FHIT: variants seen among roughly 807,000 people sequenced by gnomAD.
FHIT encodes bis(5'-adenosyl)-triphosphatase.
A neutral mutation model predicts 17.9 loss-of-function variants in FHIT; 19 were observed. That is an observed-to-expected ratio of 1.06 (90% confidence interval 0.74 to 1.56). The LOEUF is 1.56. FHIT is among the 40% of genes most tolerant of loss of function. FHIT has a pLI of 0.00. For synonymous variants in FHIT, 81 were observed against 69.7 expected, an observed-to-expected ratio of 1.16 and a Z score of -0.81; for missense variants, 248 against 189.2, an observed-to-expected ratio of 1.31 and a Z score of -1.82.
At chr3:60,323,215 G>T (rs1019546841) in intron 5 of FHIT, among the ~76,000 whole-genome samples, 1 of 151,998 alleles carries the variant, frequency 6.6e-6, no homozygotes, top group African/African-American at 2.4e-5. Flanking sequence ...GGACACCACC[G>T]GGAATCACTG....
chr3:59,798,459 T>G (rs1438875911), intron 8 of FHIT, among the ~76,000 whole-genome samples: 1 of 152,190 alleles, frequency 6.6e-6, no homozygotes, highest in Non-Finnish European at 1.5e-5. Flanking sequence ...CAAGTCACTG[T>G]GTATGGCTGC....
intron 7 of FHIT, among the ~76,000 whole-genome samples, chr3:59,948,960 G>C (rs575214999): frequency 6.6e-6 from 1 of 152,214 alleles, no homozygotes; most frequent in South Asian, 2.1e-4. Context: ...GTGTGAAGCT[G>C]AGGTTTGGGG....
chr3:60,234,755 G>C (rs571652449), intron 5 of FHIT, among the ~76,000 whole-genome samples: 2 of 152,128 alleles, frequency 1.3e-5, no homozygotes, highest in Non-Finnish European at 2.9e-5. Flanking sequence ...GATCCAAACT[G>C]AGTTTACATT....
intron 5 of FHIT, among the ~76,000 whole-genome samples, chr3:60,125,071 T>C (rs1295374769): frequency 3.3e-5 from 5 of 152,198 alleles, no homozygotes; most frequent in Non-Finnish European, 5.9e-5. Flanking sequence ...CATTCAACCA[T>C]TAGCTCAAAG....
chr3:60,688,429 T>C (rs1264838849), intron 4 of FHIT, among the ~76,000 whole-genome samples: 6 of 146,496 alleles, frequency 4.1e-5, no homozygotes, highest in African/African-American at 1.6e-4. Context: ...GTTTTGTGTT[T>C]TTTTTTTTGT....
intron 5 of FHIT, among the ~76,000 whole-genome samples, chr3:60,035,302 T>G (rs1414633494): frequency 1.3e-5 from 2 of 152,224 alleles, no homozygotes; most frequent in African/African-American, 4.8e-5. Flanking sequence ...AATGGCACAG[T>G]CTCTGCTCAC....
intron 5 of FHIT, among the ~76,000 whole-genome samples, chr3:60,083,210 T>C (rs1385911791): frequency 2.0e-5 from 3 of 152,146 alleles, no homozygotes; most frequent in East Asian, 1.9e-4. Flanking sequence ...GCAATAACAA[T>C]AGGGTGTCCT....
At chr3:60,189,239 G>A (rs1192228090) in intron 5 of FHIT, among the ~76,000 whole-genome samples, 1 of 151,946 alleles carries the variant, frequency 6.6e-6, no homozygotes, top group Admixed American at 6.6e-5. Context: ...GAAGCTGGGG[G>A]TGGGGGGGAA....
At chr3:60,474,165 G>T (rs1482197390) in intron 5 of FHIT, among the ~76,000 whole-genome samples, 1 of 152,182 alleles carries the variant, frequency 6.6e-6, no homozygotes, top group Non-Finnish European at 1.5e-5. Flanking sequence ...CAGACAGAGG[G>T]CAGGGAGGGT....
chr3:59,923,256 C>A (rs553401514), intron 7 of FHIT, among the ~76,000 whole-genome samples: 1 of 140,558 alleles, frequency 7.1e-6, no homozygotes, highest in South Asian at 2.3e-4. Flanking sequence ...AAAAAAATCC[C>A]GTGAGGCAAG....
At chr3:60,157,681 G>C (rs1423203335) in intron 5 of FHIT, among the ~76,000 whole-genome samples, 1 of 152,208 alleles carries the variant, frequency 6.6e-6, no homozygotes, top group African/African-American at 2.4e-5. Flanking sequence ...TGGGAGGAAA[G>C]TGCACAGTGA....
chr3:60,218,242 T>A (rs898962949), intron 5 of FHIT, among the ~76,000 whole-genome samples: 2 of 152,144 alleles, frequency 1.3e-5, no homozygotes, highest in African/African-American at 4.8e-5. Context: ...TGTGAAAGAA[T>A]GAGATACTAC....
intron 3 of FHIT, among the ~76,000 whole-genome samples, chr3:61,026,648 C>CTT (rs111567354): frequency 2.0e-5 from 3 of 151,692 alleles, no homozygotes; most frequent in Non-Finnish European, 4.4e-5. Flanking sequence ...ATTATGAGAC[C>CTT]TTTTTTTTGC....
chr3:59,982,806 G>T (rs1708712096), intron 7 of FHIT, among the ~76,000 whole-genome samples: 1 of 152,138 alleles, frequency 6.6e-6, no homozygotes, highest in Admixed American at 6.5e-5. Context: ...AGTCCCTACT[G>T]TCTTGGAACT....
chr3:61,062,189 A>T (rs1341773041), intron 2 of FHIT, among the ~76,000 whole-genome samples: 1 of 152,182 alleles, frequency 6.6e-6, no homozygotes, highest in Non-Finnish European at 1.5e-5. Context: ...CAATCCAAGT[A>T]TAATATTTTT....
intron 7 of FHIT, among the ~76,000 whole-genome samples, chr3:59,940,160 A>C (rs930899139): frequency 2.0e-5 from 3 of 152,192 alleles, no homozygotes; most frequent in Non-Finnish European, 2.9e-5. Flanking sequence ...TGAGGATCAA[A>C]TTGGTTAGTA....
At chr3:59,973,895 G>C (rs1708294304) in intron 7 of FHIT, among the ~76,000 whole-genome samples, 2 of 151,818 alleles carry the variant, frequency 1.3e-5, no homozygotes, top group South Asian at 2.1e-4. Context: ...ATTTCTTCTT[G>C]TGGTACTATT....
chr3:60,412,094 A>T (rs1400607858), intron 5 of FHIT, among the ~76,000 whole-genome samples: 1 of 152,028 alleles, frequency 6.6e-6, no homozygotes, highest in African/African-American at 2.4e-5. Flanking sequence ...TAAAAAGTAA[A>T]CAGGACATGG....
intron 1 of FHIT, among the ~76,000 whole-genome samples, chr3:61,246,413 T>G (rs2040487827): frequency 6.6e-6 from 1 of 152,150 alleles, no homozygotes; most frequent in Admixed American, 6.6e-5. Flanking sequence ...TAAGTAATCT[T>G]CAATAATACA....
Sources: allele counts gnomAD v4.1 joint callset (sites outside exome capture counted in the v4.1 genomes callset), GRCh38; gene constraint gnomAD v4.1.1; transcripts MANE v1.5; gene names NCBI Gene and HGNC (gene_info 2026-07-23, HGNC 2026-07-21).